The following FTCD variants were observed in gnomAD, a reference collection of about 807,000 sequenced individuals.
The protein encoded by FTCD is formimidoyltransferase-cyclodeaminase.
Under a neutral mutation model 62.9 loss-of-function variants are expected in FTCD, and 76 were observed. The ratio of observed to expected loss-of-function variants is 1.21; its 90% CI spans 1.00 to 1.46. The LOEUF (loss-of-function observed/expected upper bound fraction) is 1.46, where lower values mean the gene tolerates loss of function less well. Ranked by LOEUF, FTCD falls within the 40% of genes most tolerant of loss-of-function variation. FTCD has a pLI of 0.00. For missense variants in FTCD, 845 were observed against 751.3 expected (o/e 1.12, Z -1.46); for synonymous variants, 397 against 336.9 (o/e 1.18, Z -1.95).
At chr21:46,149,530 T>A (rs2079218295) in intron 7 of FTCD, among the ~76,000 whole-genome samples, 1 of 152,072 alleles carries the variant, frequency 6.6e-6, no homozygotes, top group African/African-American at 2.4e-5. Flanking sequence ...TAAAACAAAG[T>A]GACCTTGAGT....
intron 10 of FTCD, chr21:46,142,761 T>C (rs2079050188): frequency 1.3e-5 from 2 of 152,248 alleles, no homozygotes; most frequent in African/African-American, 2.4e-5. Flanking sequence ...CCCGCCCACA[T>C]CCTGCTGATT....
At position 46,151,680 on chromosome 21, in the gene FTCD, C is replaced by T; in HGVS notation, c.514G>A (p.Gly172Arg). The T allele has an allele frequency of 6.2e-7, 1 of 1,613,026 alleles. No homozygotes were observed. The highest frequency in any genetic ancestry group is 8.5e-7 in the Non-Finnish European group (1 of 1,179,970). The stretch of plus-strand genomic sequence containing the variant: ...TTCCTCGCCCCCGTGGCCGTGGCCC[C>T]CCAACTGGGGACAAAGGAGCTGGGA... ...FGPSSFVPSW[G>R]ATATGARKFL... Residue 172 changes from glycine (G) to arginine (R), a missense_variant, in exon 5 of 14, where the codon GGG (glycine) becomes AGG (arginine). Physicochemically the swap from Gly to Arg is moderately radical, Grantham distance 125 (BLOSUM62 -2). Transcript: ENST00000397746.
chr21:46,143,030 G>C (rs2079055817), intron 10 of FTCD, among the ~76,000 whole-genome samples: 1 of 152,148 alleles, frequency 6.6e-6, no homozygotes, highest in African/African-American at 2.4e-5. Flanking sequence ...CAGAAGCCCA[G>C]CCAGCTTCAC....
At chr21:46,153,081 G>C in intron 2 of FTCD, 46 bp from the exon 3 acceptor site, 2 of 1,529,324 alleles carry the variant, frequency 1.3e-6, no homozygotes, top group South Asian at 2.4e-5. Flanking sequence ...GTGTGGGAGC[G>C]GGTGGGAGCT....
intron 7 of FTCD, chr21:46,146,696 TCAC>T: frequency 2.9e-6 from 1 of 346,350 alleles, no homozygotes; most frequent in East Asian, 5.5e-5. Context: ...AGATTTTAAT[TCAC>T]CAAGTCTTCA....
At chr21:46,152,677 T>A in intron 3 of FTCD, 3 of 474,076 alleles carry the variant, frequency 6.3e-6, no homozygotes, top group Middle Eastern at 1.1e-3. Flanking sequence ...TTGGTTTGCC[T>A]GTGCAGCTGC....
At position 46,137,225 on chromosome 21, in the gene FTCD, T is replaced by C. The variant is rs767327778; in HGVS notation, c.1539+14A>G. The C allele has an allele frequency of 6.2e-7, 1 of 1,602,918 alleles. No individual in the cohort carries two copies. Among genetic ancestry groups the C allele is most frequent in the Non-Finnish European group, 8.5e-7 (1 of 1,170,052 alleles). On this transcript the variant is annotated intron_variant, in intron 13 of 13. Coordinates refer to ENST00000397746, the MANE Select transcript of FTCD (RefSeq NM_206965.2). ...CCACGTGGGGTCCGGGCACCACACC[T>C]GCCTCCTGCTCACCTGGTCCTTAAA...
intron 5 of FTCD, among the ~76,000 whole-genome samples, 158 bp from the exon 6 acceptor site, chr21:46,150,683 G>T (rs1365878732): frequency 6.6e-6 from 1 of 152,172 alleles, no homozygotes; most frequent in Non-Finnish European, 1.5e-5. Context: ...GCTGGCCGGG[G>T]AGGGCCAGAG....
chr21:46,151,153 G>A (rs971079366), intron 5 of FTCD, among the ~76,000 whole-genome samples: 8 of 152,210 alleles, frequency 5.3e-5, no homozygotes, highest in Non-Finnish European at 1.2e-4. Flanking sequence ...CTGTGCAGAC[G>A]TGGAGGGAAA....
At chr21:46,140,168 A>C (rs1413011678) in intron 10 of FTCD, among the ~76,000 whole-genome samples, 4 of 151,666 alleles carry the variant, frequency 2.6e-5, no homozygotes, top group Non-Finnish European at 5.9e-5. Context: ...CTCCCCGTCC[A>C]CCTTCACATT....
intron 7 of FTCD, among the ~76,000 whole-genome samples, chr21:46,148,286 C>T (rs370857979): frequency 3.3e-5 from 5 of 152,284 alleles, no homozygotes; most frequent in African/African-American, 4.8e-5. Flanking sequence ...GGGGAGTCGG[C>T]GTCTCTGAGG....
At chr21:46,137,473 G>A (rs762202695) in intron 12 of FTCD, 139 bp from the exon 13 acceptor site, 255 of 736,692 alleles carry the variant, frequency 3.5e-4, no homozygotes, top group Middle Eastern at 1.3e-3. Flanking sequence ...CCCCGCTTTC[G>A]CCCCACAGAG....
downstream of FTCD, chr21:46,136,539 G>C (rs770559487): frequency 6.2e-7 from 1 of 1,606,928 alleles, no homozygotes; most frequent in Non-Finnish European, 8.5e-7. Flanking sequence ...CAGACAAGGG[G>C]CCTCACAGCC....
At chr21:46,139,212 G>A (rs1383808575) in intron 10 of FTCD, among the ~76,000 whole-genome samples, 1 of 152,114 alleles carries the variant, frequency 6.6e-6, no homozygotes, top group African/African-American at 2.4e-5. Flanking sequence ...GAGGGCCCAG[G>A]AGGTCCCCTG....
In FTCD at chr21:46,145,666, G is replaced by C. The variant is rs1446419426; in HGVS notation, c.1099-88C>G. On this transcript the variant is annotated intron_variant, in intron 9 of 13. Transcript: ENST00000397746. ...AGAGCCAGGGGCCCGGGTGATCCCT[G>C]CGGGGGTCCCACCCGTGTGGCCCCC... is the stretch of plus-strand genomic sequence containing the variant. The C allele has an allele frequency of 4.7e-6, 4 of 854,900 alleles. No individual in the cohort carries two copies. In the African/African-American group the frequency reaches 1.2e-4, roughly 25 times the overall value. The allele number at this position is 854,900 out of a possible 1,614,324, so 53.0% of individuals were successfully genotyped here.
intron 12 of FTCD, 76 bp from the exon 13 acceptor site, chr21:46,137,410 GCTCTGGGACAGGCCGGA>G: frequency 8.8e-7 from 1 of 1,140,590 alleles, no homozygotes; most frequent in South Asian, 1.2e-5. Context: ...TGCCTGACGG[GCTCTGGGACAGGCCGGA>G]CTTCGTCCTC....
intron 1 of FTCD, among the ~76,000 whole-genome samples, chr21:46,155,061 C>T (rs2079397777): frequency 6.6e-6 from 1 of 152,236 alleles, no homozygotes; most frequent in Non-Finnish European, 1.5e-5. Flanking sequence ...AGCAAGCTAA[C>T]TCCAGTGGAG....
At chr21:46,148,015 C>A (rs1179655166) in intron 7 of FTCD, among the ~76,000 whole-genome samples, 1 of 151,110 alleles carries the variant, frequency 6.6e-6, no homozygotes, top group Non-Finnish European at 1.5e-5. Flanking sequence ...CATAAGAAGA[C>A]AAGGAAATGT....
At chr21:46,142,710 C>G (rs550418093) in intron 10 of FTCD, 1 of 152,406 alleles carries the variant, frequency 6.6e-6, no homozygotes, top group South Asian at 2.1e-4. Context: ...ACGGTTGGCG[C>G]TTGCTGGTTT....
Sources: allele counts gnomAD v4.1 joint callset (sites outside exome capture counted in the v4.1 genomes callset), GRCh38; gene constraint gnomAD v4.1.1; transcripts MANE v1.5; gene names NCBI Gene and HGNC (gene_info 2026-07-23, HGNC 2026-07-21).